The following SUSD1 variants were observed in gnomAD, a reference collection of about 807,000 sequenced individuals.
SUSD1 encodes sushi domain-containing protein 1.
In SUSD1, 65 loss-of-function variants were observed where a neutral mutation model predicts 86.9. The ratio of observed to expected loss-of-function variants is 0.75; its 90% CI spans 0.61 to 0.92. SUSD1 has a LOEUF of 0.92. SUSD1 is among the 40% of genes least tolerant of loss of function. The probability of loss-of-function intolerance (pLI) is 0.00; values close to 1 mark genes in which losing one functional copy is unlikely to be tolerated. For synonymous variants in SUSD1, 346 were observed against 350.0 expected, an observed-to-expected ratio of 0.99 and a Z score of 0.13; for missense variants, 850 against 929.7, an observed-to-expected ratio of 0.91 and a Z score of 1.11.
intron 8 of SUSD1, chr9:112,104,686 G>A (rs571033355): frequency 6.6e-6 from 1 of 152,334 alleles, no homozygotes; most frequent in African/African-American, 2.4e-5. Flanking sequence ...CACCCAACCA[G>A]CAGTAAATCC....
chr9:112,174,784 C>T (rs1332648437), intron 1 of SUSD1, among the ~76,000 whole-genome samples: 2 of 152,164 alleles, frequency 1.3e-5, no homozygotes, highest in African/African-American at 2.4e-5. Flanking sequence ...GCCCTGGCCT[C>T]CCCGCCCTTC....
At chr9:112,129,035 T>A (rs182488540) in intron 5 of SUSD1, among the ~76,000 whole-genome samples, 1 of 151,894 alleles carries the variant, frequency 6.6e-6, no homozygotes, top group East Asian at 1.9e-4. Context: ...GGCTGTTAGG[T>A]AGAGAAAGGT....
chr9:112,042,252 G>A (rs985704566), intron 15 of SUSD1: 19 of 1,187,118 alleles, frequency 1.6e-5, no homozygotes, highest in African/African-American at 4.6e-5. Context: ...ACTATGCAAC[G>A]TGTTACATTT....
chr9:112,131,777 A>G (rs1832045212), intron 5 of SUSD1, among the ~76,000 whole-genome samples: 1 of 152,170 alleles, frequency 6.6e-6, no homozygotes. Context: ...ATTAAAGCAC[A>G]TGTTTCTCTG....
At chr9:112,104,598 C>T (rs1040923111) in intron 8 of SUSD1, 3 of 152,128 alleles carry the variant, frequency 2.0e-5, no homozygotes, top group Non-Finnish European at 4.4e-5. Context: ...AACAGCTTCA[C>T]CAATCATAGC....
intron 12 of SUSD1, among the ~76,000 whole-genome samples, chr9:112,064,726 A>C (rs1291814742): frequency 6.6e-6 from 1 of 152,128 alleles, no homozygotes; most frequent in African/African-American, 2.4e-5. Flanking sequence ...AGATGCAAAA[A>C]TTAGCCAGGC....
chr9:112,092,805 CT>C (rs1387619432), intron 10 of SUSD1, among the ~76,000 whole-genome samples: 2 of 152,078 alleles, frequency 1.3e-5, no homozygotes, highest in Non-Finnish European at 2.9e-5. Flanking sequence ...CAATCTAAAA[CT>C]TTTATATGTC....
intron 13 of SUSD1, 150 bp from the exon 14 acceptor site, chr9:112,058,836 T>G: frequency 1.1e-6 from 1 of 923,824 alleles, no homozygotes; most frequent in South Asian, 1.8e-5. Context: ...GCTCTGTCAC[T>G]AGGCTGGAGT....
chr9:112,143,739 T>C lies in SUSD1; in HGVS notation c.374-116A>G, dbSNP rs980909537. 14 of 1,005,734 alleles carry C rather than the reference T, an allele frequency of 1.4e-5. No individual in the cohort carries two copies. In the African/African-American group the frequency reaches 2.1e-4, roughly 15 times the overall value. The allele number at this position is 1,005,734 out of a possible 1,614,324, so 62.3% of individuals were successfully genotyped here. On this transcript the variant is annotated intron_variant, in intron 3 of 16. Transcript: ENST00000374270. ...TTTTCAAGCTACTCTTGTAAAAAGA[T>C]GCATTTGTTTGCAATTGTATCATAC... is the stretch of plus-strand genomic sequence containing the variant.
At chr9:112,101,311 A>G (rs1830625565) in intron 9 of SUSD1, among the ~76,000 whole-genome samples, 1 of 152,074 alleles carries the variant, frequency 6.6e-6, no homozygotes, top group Non-Finnish European at 1.5e-5. Flanking sequence ...GCAGTGAGCC[A>G]AGATCGCCTC....
intron 13 of SUSD1, 25 bp from the exon 14 acceptor site, chr9:112,058,711 C>T: frequency 6.2e-7 from 1 of 1,611,016 alleles, no homozygotes; most frequent in Non-Finnish European, 8.5e-7. Flanking sequence ...GAGAAGTGTC[C>T]ATCAGACCCT....
intron 14 of SUSD1, among the ~76,000 whole-genome samples, chr9:112,054,950 A>G (rs1315506272): frequency 1.3e-5 from 2 of 152,238 alleles, no homozygotes; most frequent in Non-Finnish European, 2.9e-5. Context: ...GGATTACAGT[A>G]ATATCCAGAA....
chr9:112,153,606 AC>A (rs1410479533), intron 2 of SUSD1, among the ~76,000 whole-genome samples: 2 of 148,658 alleles, frequency 1.3e-5, no homozygotes, highest in East Asian at 3.9e-4. Flanking sequence ...AGTATTACAT[AC>A]TATACTTTTT....
intron 6 of SUSD1, among the ~76,000 whole-genome samples, chr9:112,114,156 A>C (rs1051974395): frequency 6.6e-6 from 1 of 152,160 alleles, no homozygotes; most frequent in African/African-American, 2.4e-5. Context: ...TCCAAAGATG[A>C]AATTAAGAAA....
chr9:112,109,266 T>C (rs989927451), intron 8 of SUSD1, among the ~76,000 whole-genome samples: 1 of 152,182 alleles, frequency 6.6e-6, no homozygotes, highest in Non-Finnish European at 1.5e-5. Context: ...AAGGGAATAA[T>C]TCAAACATGA....
At chr9:112,048,756 A>G (rs1459234304) in intron 15 of SUSD1, among the ~76,000 whole-genome samples, 1 of 152,234 alleles carries the variant, frequency 6.6e-6, no homozygotes, top group African/African-American at 2.4e-5. Context: ...AAGAAAGGGC[A>G]TTTGATTTTA....
chr9:112,175,255 G>C lies in SUSD1; in HGVS notation c.-20C>G, dbSNP rs977103409. The C allele has an allele frequency of 1.5e-4, 165 of 1,133,948 alleles. No homozygotes were observed. Among genetic ancestry groups the C allele is most frequent in the Non-Finnish European group, 1.7e-4 (159 of 926,256 alleles). 70.2% of individuals were successfully genotyped at this position (1,133,948 alleles called of 1,614,324 possible). On this transcript the variant is annotated 5_prime_UTR_variant, in exon 1 of 17. Coordinates refer to ENST00000374270, the MANE Select transcript of SUSD1 (RefSeq NM_022486.5). The surrounding 1 kb of genome is among the most constrained non-coding windows in gnomAD (Gnocchi z 4.7). ...GCCCATGCCGCCGCCGGTCCCTCCC[G>C]GCGCGCCCGCGCCTCCTCCCGGGGC...
At chr9:112,140,088 C>A (rs1169116126) in intron 5 of SUSD1, among the ~76,000 whole-genome samples, 1 of 80,212 alleles carries the variant, frequency 1.2e-5, no homozygotes, top group Non-Finnish European at 2.4e-5. Flanking sequence ...TGGGGCCGGG[C>A]GCGGTGGCTC....
chr9:112,042,311 C>A, intron 15 of SUSD1: 2 of 719,304 alleles, frequency 2.8e-6, no homozygotes, highest in Non-Finnish European at 4.5e-6. Context: ...TTTTATGGGC[C>A]GTTTTCTTTT....
Sources: allele counts gnomAD v4.1 joint callset (sites outside exome capture counted in the v4.1 genomes callset), GRCh38; gene constraint gnomAD v4.1.1; non-coding constraint Gnocchi (gnomAD v3.1); transcripts MANE v1.5; gene names NCBI Gene and HGNC (gene_info 2026-07-23, HGNC 2026-07-21).